PPP1R3A: variants seen among roughly 807,000 people sequenced by gnomAD.
PPP1R3A encodes the protein protein phosphatase 1 regulatory subunit 3A.
A neutral mutation model predicts 41.7 loss-of-function variants in PPP1R3A; 29 were observed. That is an observed-to-expected ratio of 0.70 (90% CI 0.52 to 0.95). PPP1R3A has a LOEUF of 0.95. Ranked by LOEUF, PPP1R3A falls within the 40% of genes least tolerant of loss-of-function variation. The pLI, the probability that PPP1R3A is intolerant of heterozygous loss-of-function variation, is 0.00. For synonymous variants in PPP1R3A, 485 were observed against 453.4 expected (o/e 1.07, Z -0.89); for missense variants, 1,352 against 1,292.4 (o/e 1.05, Z -0.71).
intron 1 of PPP1R3A, among the ~76,000 whole-genome samples, chr7:113,905,157 G>A (rs1797124607): frequency 6.6e-6 from 1 of 151,534 alleles, no homozygotes; most frequent in Non-Finnish European, 1.5e-5. Context: ...ATTAATTGAT[G>A]TATAATAGAT....
Position 113,878,390 on chromosome 7 carries a change from G to T in PPP1R3A, c.2702C>A (p.Ala901Asp). 1 of 1,611,810 alleles carries T rather than the reference G, an allele frequency of 6.2e-7. No homozygotes were observed. The highest frequency in any genetic ancestry group is 1.1e-5 in the South Asian group (1 of 91,064). ...AGCTCTATTAGTGTCTGAGTTAAAA[G>T]CAGAATGCACAATGGCATCCGAGTC... Reference protein sequence around the residue: ...KTDSDAIVHSAFNSDTNRAPQ... With the variant: ...KTDSDAIVHSDFNSDTNRAPQ... Residue 901 changes from alanine (A) to aspartate (D), a missense_variant, in exon 4 of 4, where the codon GCT becomes GAT. By Grantham distance (126) the Ala-to-Asp change is moderately radical. Coordinates refer to ENST00000284601, the MANE Select transcript of PPP1R3A (RefSeq NM_002711.4).
At chr7:113,900,118 AT>A (rs1797039183) in intron 1 of PPP1R3A, among the ~76,000 whole-genome samples, 1 of 151,646 alleles carries the variant, frequency 6.6e-6, no homozygotes, top group African/African-American at 2.4e-5. Context: ...GGAAACATTA[AT>A]TATTTCTATG....
chr7:113,901,979 A>G (rs1470730021), intron 1 of PPP1R3A, among the ~76,000 whole-genome samples: 1 of 151,882 alleles, frequency 6.6e-6, no homozygotes, highest in Non-Finnish European at 1.5e-5. Context: ...CATTTTGTAT[A>G]TACAATTTTA....
intron 1 of PPP1R3A, among the ~76,000 whole-genome samples, chr7:113,897,352 T>C (rs1284360275): frequency 2.0e-5 from 3 of 151,826 alleles, no homozygotes; most frequent in African/African-American, 4.8e-5. Flanking sequence ...ATTAAAACTC[T>C]TTAAATATGA....
chr7:113,914,136 G>A (rs1797300521), intron 1 of PPP1R3A, among the ~76,000 whole-genome samples: 1 of 152,156 alleles, frequency 6.6e-6, no homozygotes, highest in Non-Finnish European at 1.5e-5. Flanking sequence ...GGACAATTGT[G>A]ATGAAGGGCT....
At chr7:113,900,357 G>A (rs1307573660) in intron 1 of PPP1R3A, among the ~76,000 whole-genome samples, 1 of 151,640 alleles carries the variant, frequency 6.6e-6, no homozygotes, top group Non-Finnish European at 1.5e-5. Flanking sequence ...TTAAATGCAA[G>A]TTCATGGATA....
intron 1 of PPP1R3A, among the ~76,000 whole-genome samples, chr7:113,900,659 ATAT>A (rs1384684710): frequency 1.3e-5 from 2 of 148,668 alleles, no homozygotes; most frequent in Non-Finnish European, 1.5e-5. Context: ...GTATATTTAC[ATAT>A]TATATATAGC....
chr7:113,889,838 T>A (rs1347952652), intron 1 of PPP1R3A, among the ~76,000 whole-genome samples: 3 of 152,160 alleles, frequency 2.0e-5, no homozygotes, highest in Non-Finnish European at 2.9e-5. Flanking sequence ...AATGTTGTGC[T>A]GGATTACCAA....
At chr7:113,899,372 G>A (rs1293895451) in intron 1 of PPP1R3A, among the ~76,000 whole-genome samples, 1 of 151,652 alleles carries the variant, frequency 6.6e-6, no homozygotes, top group Non-Finnish European at 1.5e-5. Context: ...TTTTCCCAAA[G>A]AAATGTTTCC....
Position 113,879,940 on chromosome 7 carries a change from T to C in PPP1R3A, c.1152A>G (p.Val384=). 6.2e-7 allele frequency: 1 copy of C among 1,613,546 alleles called. No individual in the cohort carries two copies. Among genetic ancestry groups the C allele is most frequent in the Non-Finnish European group, 8.5e-7 (1 of 1,179,652 alleles). The change falls in exon 4 of 4, where the codon GTA becomes GTG. Residue 384 remains valine, a synonymous_variant. Transcript: ENST00000284601. The part of the protein sequence containing the change: ...LSPSSSAESS[V]KGDFYCNEKY... ...TTTCATTGCAGTAAAAATCTCCCTTTACGGAGCTTTCTGCTGATGAACTTG... is the reference window on the plus strand; with the variant it reads ...TTTCATTGCAGTAAAAATCTCCCTTCACGGAGCTTTCTGCTGATGAACTTG...
Position 113,878,967 on chromosome 7 carries a change from C to G in PPP1R3A, c.2125G>C (p.Val709Leu). The G allele has an allele frequency of 2.5e-6, 4 of 1,613,332 alleles. No individual in the cohort carries two copies. The change falls in exon 4 of 4, where the codon GTG (valine) becomes CTG (leucine). Residue 709 changes from valine (V) to leucine (L), a missense_variant. Coordinates refer to ENST00000284601, the MANE Select transcript of PPP1R3A (RefSeq NM_002711.4). ...TEELFTCQET[V>L]CCELSSLADH... ...GCTAGAGAAGACAGTTCACAGCACA[C>G]TGTTTCTTGGCAGGTAAACAATTCT...
intron 1 of PPP1R3A, among the ~76,000 whole-genome samples, chr7:113,894,467 G>C (rs1796946609): frequency 6.6e-6 from 1 of 151,910 alleles, no homozygotes; most frequent in Admixed American, 6.6e-5. Flanking sequence ...CCTTGGAACA[G>C]GTGGGTAGCA....
intron 1 of PPP1R3A, among the ~76,000 whole-genome samples, chr7:113,896,130 C>T (rs1320590647): frequency 6.6e-6 from 1 of 151,732 alleles, no homozygotes; most frequent in Non-Finnish European, 1.5e-5. Context: ...CGTGCAGACG[C>T]GTGACTTCTT....
At chr7:113,913,286 C>T (rs1051013341) in intron 1 of PPP1R3A, among the ~76,000 whole-genome samples, 2 of 152,112 alleles carry the variant, frequency 1.3e-5, no homozygotes, top group African/African-American at 4.8e-5. Flanking sequence ...GGAAGTCTCA[C>T]AATCCAACAG....
At chr7:113,893,196 T>C (rs1796921702) in intron 1 of PPP1R3A, among the ~76,000 whole-genome samples, 1 of 152,000 alleles carries the variant, frequency 6.6e-6, no homozygotes, top group African/African-American at 2.4e-5. Context: ...CCTTGCAGTT[T>C]AAGAGCTCTA....
chr7:113,880,389 C>A (rs1338401498), intron 3 of PPP1R3A, among the ~76,000 whole-genome samples: 1 of 151,956 alleles, frequency 6.6e-6, no homozygotes, highest in African/African-American at 2.4e-5. Flanking sequence ...TTGTATTATT[C>A]AACTGTTCTT....
intron 1 of PPP1R3A, among the ~76,000 whole-genome samples, chr7:113,885,363 C>T (rs1469838267): frequency 6.6e-6 from 1 of 152,070 alleles, no homozygotes; most frequent in Admixed American, 6.6e-5. Context: ...CTTTCTTGTA[C>T]ATTGCTGGTG....
chr7:113,906,375 C>T lies in PPP1R3A; in HGVS notation c.782+11840G>A, dbSNP rs78580343. ...ATCAAAGGAACAATCATCACCTCCACGGCCATATAATATAATATGGATGTA... is the reference window on the plus strand; with the variant it reads ...ATCAAAGGAACAATCATCACCTCCATGGCCATATAATATAATATGGATGTA... On this transcript the variant is annotated intron_variant, in intron 1 of 3. Transcript: ENST00000284601. Among the ~76,000 whole-genome samples the T allele has an allele frequency of 2.9e-3, 446 of 151,774 alleles. 3 individuals are homozygous for T. The highest frequency in any genetic ancestry group is 0.01 in the African/African-American group (420 of 41,456).
intron 1 of PPP1R3A, among the ~76,000 whole-genome samples, chr7:113,885,264 C>T (rs1305293736): frequency 1.3e-5 from 2 of 152,102 alleles, no homozygotes. Context: ...CCAGGCTAGC[C>T]TTGAACTACT....
Sources: allele counts gnomAD v4.1 joint callset (sites outside exome capture counted in the v4.1 genomes callset), GRCh38; gene constraint gnomAD v4.1.1; transcripts MANE v1.5; gene names NCBI Gene and HGNC (gene_info 2026-07-23, HGNC 2026-07-21).